CDKAL1: variants seen among roughly 807,000 people sequenced by gnomAD.
CDKAL1 encodes threonylcarbamoyladenosine tRNA methylthiotransferase.
Under a neutral mutation model 68.2 loss-of-function variants are expected in CDKAL1, and 32 were observed. The observed-to-expected ratio is 0.47, with a 90% CI of 0.35 to 0.63. The LOEUF is 0.63. Ranked by LOEUF, CDKAL1 falls within the 30% of genes least tolerant of loss-of-function variation. The probability of loss-of-function intolerance (pLI) is 0.00; values close to 1 mark genes in which losing one functional copy is unlikely to be tolerated. For missense variants in CDKAL1, 606 were observed against 696.7 expected (o/e 0.87, Z 1.47); for synonymous variants, 234 against 244.3 (o/e 0.96, Z 0.39).
At chr6:20,678,122 G>C (rs1378203615) in intron 5 of CDKAL1, among the ~76,000 whole-genome samples, 1 of 144,880 alleles carries the variant, frequency 6.9e-6, no homozygotes, top group Non-Finnish European at 1.5e-5. Flanking sequence ...TTAAGTCTTT[G>C]TACTATCATT....
chr6:20,922,857 G>A (rs1763019695), intron 9 of CDKAL1, among the ~76,000 whole-genome samples: 1 of 152,144 alleles, frequency 6.6e-6, no homozygotes, highest in Admixed American at 6.5e-5. Flanking sequence ...AATTTAAACT[G>A]CATCTGTATA....
chr6:20,636,695 A>G (rs890016540), intron 4 of CDKAL1, among the ~76,000 whole-genome samples: 16 of 152,184 alleles, frequency 1.1e-4, no homozygotes, highest in Admixed American at 7.2e-4. Context: ...GGGGAGGGAG[A>G]TGGATAAAGT....
chr6:21,014,799 A>G (rs1020080650), intron 11 of CDKAL1, among the ~76,000 whole-genome samples: 6 of 152,320 alleles, frequency 3.9e-5, no homozygotes, highest in Middle Eastern at 3.4e-3. Context: ...TAAAAAATGC[A>G]TATCTCCTAT....
intron 9 of CDKAL1, among the ~76,000 whole-genome samples, chr6:20,867,071 C>T (rs1472459653): frequency 6.6e-6 from 1 of 152,168 alleles, no homozygotes. Flanking sequence ...TGGAGAGAAG[C>T]AATTTGAATT....
chr6:21,173,839 G>A (rs925083469), intron 13 of CDKAL1, among the ~76,000 whole-genome samples: 4 of 152,214 alleles, frequency 2.6e-5, no homozygotes, highest in African/African-American at 7.2e-5. Flanking sequence ...GGAGGCTGAG[G>A]CAAGAGTAAT....
intron 5 of CDKAL1, among the ~76,000 whole-genome samples, chr6:20,719,980 A>G (rs887147241): frequency 1.7e-4 from 26 of 152,216 alleles, no homozygotes; most frequent in African/African-American, 5.1e-4. Flanking sequence ...ATTTCTTTCT[A>G]TTCCTTACAG....
intron 4 of CDKAL1, among the ~76,000 whole-genome samples, chr6:20,614,668 T>C (rs1177259764): frequency 6.6e-6 from 1 of 152,240 alleles, no homozygotes; most frequent in Non-Finnish European, 1.5e-5. Flanking sequence ...CTTTTACTTA[T>C]GTTTTTGCTG....
intron 11 of CDKAL1, among the ~76,000 whole-genome samples, chr6:21,003,369 T>TACACACAC (rs1292656062): frequency 3.4e-4 from 16 of 46,612 alleles, no homozygotes; most frequent in African/African-American, 1.2e-3. Context: ...TATATATATA[T>TACACACAC]ATACACACAC....
At chr6:20,686,480 C>T (rs1280898466) in intron 5 of CDKAL1, among the ~76,000 whole-genome samples, 2 of 152,188 alleles carry the variant, frequency 1.3e-5, no homozygotes, top group African/African-American at 4.8e-5. Context: ...CACTGTCTCC[C>T]ATCACCCCCA....
chr6:20,707,671 C>T (rs1771663640), intron 5 of CDKAL1, among the ~76,000 whole-genome samples: 1 of 152,166 alleles, frequency 6.6e-6, no homozygotes, highest in Non-Finnish European at 1.5e-5. Context: ...CCATATTTTG[C>T]CATCTTCCAT....
At chr6:20,835,472 T>C (rs1457522123) in intron 8 of CDKAL1, among the ~76,000 whole-genome samples, 1 of 142,562 alleles carries the variant, frequency 7.0e-6, no homozygotes, top group Non-Finnish European at 1.5e-5. Context: ...TTTGCTTTGC[T>C]TTGCTTTGTT....
intron 9 of CDKAL1, among the ~76,000 whole-genome samples, chr6:20,911,941 T>C (rs2150625204): frequency 6.6e-6 from 1 of 152,316 alleles, no homozygotes; most frequent in East Asian, 1.9e-4. Context: ...TTTTATTGGG[T>C]GGAGGAGTTT....
chr6:20,873,480 CTGAG>C (rs1186296850), intron 9 of CDKAL1, among the ~76,000 whole-genome samples: 4 of 152,116 alleles, frequency 2.6e-5, no homozygotes, highest in Admixed American at 1.3e-4. Flanking sequence ...AAGAACCTTA[CTGAG>C]TATGTATGTA....
chr6:20,712,059 T>C (rs1047658063), intron 5 of CDKAL1, among the ~76,000 whole-genome samples: 2 of 152,100 alleles, frequency 1.3e-5, no homozygotes. Context: ...CAGCCCCTCA[T>C]AGGGTAAACA....
chr6:20,572,345 AT>A (rs1252498236), intron 4 of CDKAL1, among the ~76,000 whole-genome samples: 4 of 152,184 alleles, frequency 2.6e-5, no homozygotes, highest in Non-Finnish European at 5.9e-5. Flanking sequence ...ATACATTTTA[AT>A]GAGTACATTA....
At chr6:21,185,121 A>G (rs1254589162) in intron 13 of CDKAL1, among the ~76,000 whole-genome samples, 1 of 152,062 alleles carries the variant, frequency 6.6e-6, no homozygotes, top group African/African-American at 2.4e-5. Context: ...AGTGGTTCCT[A>G]TCTACATCTG....
chr6:21,022,731 C>T (rs1768736464), intron 11 of CDKAL1, among the ~76,000 whole-genome samples: 1 of 152,186 alleles, frequency 6.6e-6, no homozygotes, highest in Admixed American at 6.5e-5. Flanking sequence ...CTCTTCATCC[C>T]TGTCATGCGC....
chr6:20,760,475 A>G (rs948248758), intron 7 of CDKAL1, among the ~76,000 whole-genome samples: 1 of 152,232 alleles, frequency 6.6e-6, no homozygotes, highest in South Asian at 2.1e-4. Context: ...TTTAACCTTC[A>G]TAATAGTACT....
intron 9 of CDKAL1, among the ~76,000 whole-genome samples, chr6:20,874,483 TTTTTA>T (rs1760393132): frequency 6.6e-6 from 1 of 151,934 alleles, no homozygotes; most frequent in Non-Finnish European, 1.5e-5. Context: ...TTTTTTTGTA[TTTTTA>T]TTTTATTTAT....
Sources: allele counts gnomAD v4.1 joint callset (sites outside exome capture counted in the v4.1 genomes callset), GRCh38; gene constraint gnomAD v4.1.1; transcripts MANE v1.5; gene names NCBI Gene and HGNC (gene_info 2026-07-23, HGNC 2026-07-21).